The following TSPAN8 variants were observed in gnomAD, a reference collection of about 807,000 sequenced individuals.
TSPAN8 encodes tetraspanin-8.
TSPAN8 carries 21 observed loss-of-function variants against 32.8 expected under a neutral mutation model. The ratio of observed to expected loss-of-function variants is 0.64; its 90% CI spans 0.45 to 0.92. The LOEUF is 0.92. TSPAN8 is among the 40% of genes least tolerant of loss of function. The pLI is 0.00. For missense variants in TSPAN8, 269 were observed against 281.9 expected, an observed-to-expected ratio of 0.95 and a Z score of 0.33; for synonymous variants, 95 against 94.6, an observed-to-expected ratio of 1.00 and a Z score of -0.03.
chr12:71,140,730 G>A (rs1180607344), intron 3 of TSPAN8, among the ~76,000 whole-genome samples: 4 of 152,096 alleles, frequency 2.6e-5, no homozygotes, highest in East Asian at 3.8e-4. Flanking sequence ...TCTTGTCCTC[G>A]ATAAGTGGAT....
intron 7 of TSPAN8, among the ~76,000 whole-genome samples, chr12:71,131,943 C>G (rs3851613): frequency 1.3e-5 from 2 of 151,606 alleles, no homozygotes; most frequent in East Asian, 4.0e-4. Context: ...GCTCCATGAG[C>G]GCAGACATTG....
rs749797917 is a variant in TSPAN8 at position 71,138,065 on chromosome 12, A to G, written c.337-5T>C. ...TTCATTCACAATGCGATCAGACTGAAAATTGAAAAGTATTTTACATTATTC... is the reference window on the plus strand; with the variant it reads ...TTCATTCACAATGCGATCAGACTGAGAATTGAAAAGTATTTTACATTATTC... On this transcript the variant is annotated splice_polypyrimidine_tract_variant and splice_region_variant and intron_variant, in intron 5 of 8. Transcript: ENST00000247829. 1 of 1,613,136 alleles carries G rather than the reference A, an allele frequency of 6.2e-7. No individual in the cohort carries two copies. Among genetic ancestry groups the G allele is most frequent in the Non-Finnish European group, 8.5e-7 (1 of 1,179,790 alleles).
At chr12:71,139,306 T>C in intron 4 of TSPAN8, 1 of 455,286 alleles carries the variant, frequency 2.2e-6, no homozygotes, top group South Asian at 1.7e-5. Context: ...CCTTATTCAC[T>C]TCTGCCCTGG....
intron 8 of TSPAN8, 141 bp from the exon 9 acceptor site, chr12:71,125,528 A>G (rs1480166886): frequency 3.0e-6 from 2 of 670,824 alleles, no homozygotes; most frequent in Non-Finnish European, 4.8e-6. Context: ...TCTCTTGGGA[A>G]ATTAGAGGTT....
intron 2 of TSPAN8, among the ~76,000 whole-genome samples, chr12:71,154,354 A>AATAATAATC (rs201799092): frequency 7.6e-4 from 110 of 145,330 alleles, no homozygotes; most frequent in African/African-American, 2.8e-3. Flanking sequence ...TAATAATAAT[A>AATAATAATC]ATCAGAGCTC....
chr12:71,136,363 C>T (rs1322502595), intron 6 of TSPAN8, among the ~76,000 whole-genome samples: 1 of 152,158 alleles, frequency 6.6e-6, no homozygotes, highest in East Asian at 1.9e-4. Flanking sequence ...AGTAAACTTT[C>T]ACCTCTTTAA....
intron 4 of TSPAN8, chr12:71,139,100 C>CT (rs201971642): frequency 8.4e-5 from 38 of 452,208 alleles, no homozygotes; most frequent in East Asian, 2.1e-4. Flanking sequence ...TTCATTTAAA[C>CT]TTTTTTTTTA....
chr12:71,125,212 G>A lies in TSPAN8; in HGVS notation c.*122C>T. On this transcript the variant is annotated 3_prime_UTR_variant, in exon 9 of 9. Coordinates refer to ENST00000247829, the MANE Select transcript of TSPAN8 (RefSeq NM_004616.3). The stretch of plus-strand genomic sequence containing the variant: ...CTAGAAGATATCTGTGGTCTAGCTA[G>A]CCGAGACATTTTAAAAAGACAGCTG... The A allele has an allele frequency of 1.3e-6, 1 of 754,284 alleles. No homozygotes were observed. The highest frequency in any genetic ancestry group is 2.2e-6 in the Non-Finnish European group (1 of 453,822). The allele number at this position is 754,284 out of a possible 1,614,324, so 46.7% of individuals were successfully genotyped here.
intron 6 of TSPAN8, among the ~76,000 whole-genome samples, chr12:71,136,007 G>C (rs967847970): frequency 1.8e-4 from 27 of 151,934 alleles, no homozygotes; most frequent in Non-Finnish European, 3.7e-4. Flanking sequence ...CCCATATCAG[G>C]TTTCAGCTTT....
chr12:71,125,446 T>C (rs1379882769), intron 8 of TSPAN8, 59 bp from the exon 9 acceptor site: 18 of 1,369,444 alleles, frequency 1.3e-5, no homozygotes, highest in Admixed American at 6.1e-5. Context: ...GGACACATTA[T>C]AAATAAACAG....
chr12:71,153,324 C>A (rs1197315050), intron 2 of TSPAN8, among the ~76,000 whole-genome samples: 3 of 152,242 alleles, frequency 2.0e-5, no homozygotes, highest in Non-Finnish European at 2.9e-5. Context: ...AGTTCTCTAA[C>A]TTGCATCAAA....
rs184183082 is a variant in TSPAN8, at chr12:71,150,780, C to A, written c.61-6567G>T. Among the ~76,000 whole-genome samples the A allele has an allele frequency of 7.6e-3, 1,157 of 152,168 alleles. 7 individuals carry two copies. Among genetic ancestry groups the A allele is most frequent in the Middle Eastern group, 0.017 (5 of 294 alleles). ...ATGCGGGTGGTTCCCCCATACTGTTCTTGTGGTAGTGAATAATTCTCATGA... is the reference window on the plus strand; with the variant it reads ...ATGCGGGTGGTTCCCCCATACTGTTATTGTGGTAGTGAATAATTCTCATGA... On this transcript the variant is annotated intron_variant, in intron 2 of 8. Coordinates refer to ENST00000247829, the MANE Select transcript of TSPAN8 (RefSeq NM_004616.3).
At chr12:71,142,500 G>A (rs1871932644) in intron 3 of TSPAN8, among the ~76,000 whole-genome samples, 1 of 152,154 alleles carries the variant, frequency 6.6e-6, no homozygotes. Flanking sequence ...CTGTAAGTAG[G>A]TGACTGTTAA....
chr12:71,134,165 TAAAC>T (rs1871607505), intron 6 of TSPAN8, among the ~76,000 whole-genome samples: 1 of 152,168 alleles, frequency 6.6e-6, no homozygotes, highest in South Asian at 2.1e-4. Flanking sequence ...ATCATAAAGA[TAAAC>T]ATAAGAAAAT....
At chr12:71,128,656 A>T (rs28481798) in intron 8 of TSPAN8, among the ~76,000 whole-genome samples, 58,035 of 122,060 alleles carry the variant, frequency 0.48, 12,044 homozygotes, top group African/African-American at 0.55. Context: ...TTTTTTTTTT[A>T]AAAAAAAAAC....
intron 2 of TSPAN8, among the ~76,000 whole-genome samples, chr12:71,153,937 G>C (rs1466041906): frequency 6.6e-6 from 1 of 152,142 alleles, no homozygotes; most frequent in Non-Finnish European, 1.5e-5. Context: ...TAGTTAGAAA[G>C]ATCTAACTGA....
chr12:71,142,503 A>T (rs1225449059), intron 3 of TSPAN8, among the ~76,000 whole-genome samples: 1 of 152,232 alleles, frequency 6.6e-6, no homozygotes, highest in Non-Finnish European at 1.5e-5. Flanking sequence ...TAAGTAGGTG[A>T]CTGTTAATCT....
chr12:71,129,107 A>G (rs1798095), intron 8 of TSPAN8, among the ~76,000 whole-genome samples: 121,654 of 151,960 alleles, frequency 0.8, 49,023 homozygotes, highest in Admixed American at 0.85. Context: ...AGAAGCAAGA[A>G]TCTCAACCCT....
intron 2 of TSPAN8, among the ~76,000 whole-genome samples, chr12:71,147,407 T>A (rs543849437): frequency 4.6e-4 from 70 of 152,180 alleles, no homozygotes; most frequent in Non-Finnish European, 8.1e-4. Context: ...TTGAACTACA[T>A]CATTATTGGT....
Sources: allele counts gnomAD v4.1 joint callset (sites outside exome capture counted in the v4.1 genomes callset), GRCh38; gene constraint gnomAD v4.1.1; transcripts MANE v1.5; gene names NCBI Gene and HGNC (gene_info 2026-07-23, HGNC 2026-07-21).